Variants in MAP3K4 observed in about 807,000 individuals in gnomAD.
The protein encoded by MAP3K4 is MAP three kinase 1.
In MAP3K4, 67 loss-of-function variants were observed where a neutral mutation model predicts 185.6. That is an observed-to-expected ratio of 0.36 (90% CI 0.30 to 0.44). The LOEUF (loss-of-function observed/expected upper bound fraction) is 0.44. MAP3K4 is among the 20% of genes least tolerant of loss of function. The pLI is 1.00. For missense variants in MAP3K4, 1,551 were observed against 1,995.1 expected, an observed-to-expected ratio of 0.78 and a Z score of 4.24; for synonymous variants, 702 against 710.4, an observed-to-expected ratio of 0.99 and a Z score of 0.19.
In MAP3K4 at chr6:161,074,952, C is replaced by G. The variant is rs1013199677; in HGVS notation, c.2097+1340C>G. On this transcript the variant is annotated intron_variant, in intron 5 of 26. Transcript: ENST00000392142. The surrounding 1 kb of genome is among the most constrained non-coding windows in gnomAD (Gnocchi z 5.0). ...TGCCTTTTGTTGACCAGACCTGTTG[C>G]ATGGCCTCACTGTTGCCATGGAGGC... Among the ~76,000 whole-genome samples, 1 of 152,186 alleles carries G rather than the reference C, an allele frequency of 6.6e-6. No individual in the cohort carries two copies. The highest frequency in any genetic ancestry group is 6.5e-5 in the Admixed American group (1 of 15,280).
rs778086441 is a variant in MAP3K4, at chr6:161,077,550, G to A, written c.2098-3331G>A. Among the ~76,000 whole-genome samples the A allele has an allele frequency of 1.3e-5, 2 of 152,188 alleles. No homozygotes were observed. The highest frequency in any genetic ancestry group is 6.5e-5 in the Admixed American group (1 of 15,290). On this transcript the variant is annotated intron_variant, in intron 5 of 26. Coordinates refer to ENST00000392142, the MANE Select transcript of MAP3K4 (RefSeq NM_005922.4). This position sits in a 1 kb window ranked among gnomAD's most constrained non-coding sequence, Gnocchi z 4.3. ...GCCTGTGGGGGCTCCAGCTGCAGGT[G>A]GAGAGTAGGCTGGGGGTCCAGAGCA...
chr6:161,069,551 G>A (rs1245458492), intron 3 of MAP3K4, among the ~76,000 whole-genome samples: 1 of 152,122 alleles, frequency 6.6e-6, no homozygotes, highest in Non-Finnish European at 1.5e-5. Context: ...AGCTCAAGTT[G>A]TTTGGGCCAT....
chr6:161,099,007 G>GTT (rs1777712105), intron 17 of MAP3K4, among the ~76,000 whole-genome samples: 2 of 152,214 alleles, frequency 1.3e-5, no homozygotes, highest in Non-Finnish European at 2.9e-5. Flanking sequence ...ATTGTCTTTT[G>GTT]TGTAAGTAAG....
intron 2 of MAP3K4, among the ~76,000 whole-genome samples, chr6:161,047,846 A>AT: frequency 1.3e-5 from 2 of 152,358 alleles, no homozygotes; most frequent in South Asian, 4.1e-4. Context: ...GAATCAGATT[A>AT]TAGAACCTCT....
chr6:161,003,870 A>G (rs963844673), intron 1 of MAP3K4, among the ~76,000 whole-genome samples: 2 of 152,036 alleles, frequency 1.3e-5, no homozygotes, highest in African/African-American at 4.8e-5. Context: ...AAACATAAGG[A>G]TTCTATTTTC....
At chr6:161,013,318 A>T (rs1362009214) in intron 1 of MAP3K4, among the ~76,000 whole-genome samples, 1 of 152,048 alleles carries the variant, frequency 6.6e-6, no homozygotes, top group African/African-American at 2.4e-5. Flanking sequence ...TCTTGTTGGT[A>T]TTTTGCAGCT....
intron 15 of MAP3K4, among the ~76,000 whole-genome samples, chr6:161,094,309 A>G (rs1306692307): frequency 2.0e-5 from 3 of 152,202 alleles, no homozygotes; most frequent in Admixed American, 6.5e-5. Flanking sequence ...TCTTCCCACC[A>G]GCTGTAGTAA....
rs1468689994 is a variant in MAP3K4 at position 161,075,110 on chromosome 6, A to G, written c.2097+1498A>G. 6.6e-6 allele frequency among the ~76,000 whole-genome samples: 1 copy of G among 152,228 alleles called. No homozygotes were observed. Among genetic ancestry groups the G allele is most frequent in the African/African-American group, 2.4e-5 (1 of 41,456 alleles). On this transcript the variant is annotated intron_variant, in intron 5 of 26. Transcript: ENST00000392142. This position sits in a 1 kb window ranked among gnomAD's most constrained non-coding sequence, Gnocchi z 4.3. ...TAATGAGTTAGAAGTTATTCTCTAT[A>G]TAAAAGACCTGAGTGTGTAAAATGG...
chr6:161,085,831 G>A (rs1222999762), intron 7 of MAP3K4, among the ~76,000 whole-genome samples: 1 of 152,186 alleles, frequency 6.6e-6, no homozygotes, highest in Non-Finnish European at 1.5e-5. Flanking sequence ...GGGGCCATGG[G>A]CAGTGGTGTG....
chr6:161,008,678 T>A lies in MAP3K4; in HGVS notation c.152+16595T>A, dbSNP rs918986355. ...TTGTTCAAAAGCAAATACAGTGTTA[T>A]AAAGTTTACCTAAGTGAAGAAATAA... is the stretch of plus-strand genomic sequence containing the variant. On this transcript the variant is annotated intron_variant, in intron 1 of 26. Transcript: ENST00000392142. This position sits in a 1 kb window ranked among gnomAD's most constrained non-coding sequence, Gnocchi z 4.1. Among the ~76,000 whole-genome samples, 1 of 152,230 alleles carries A rather than the reference T, an allele frequency of 6.6e-6. No individual in the cohort carries two copies. The highest frequency in any genetic ancestry group is 2.4e-5 in the African/African-American group (1 of 41,462).
intron 1 of MAP3K4, among the ~76,000 whole-genome samples, chr6:160,993,417 T>TTTC (rs2115024637): frequency 6.6e-6 from 1 of 152,352 alleles, no homozygotes; most frequent in East Asian, 1.9e-4. Context: ...ATTGTCTTTA[T>TTTC]TTCTATTAAC....
In MAP3K4 at chr6:160,991,892, G is replaced by C. The variant is rs1166927952; in HGVS notation, c.-40G>C. ...CTCCGGTGCCCCGCGCCAGGCTGCA[G>C]CTTACTGCCCGCCGCGGCCATGCGG... On this transcript the variant is annotated 5_prime_UTR_variant, in exon 1 of 27. Transcript: ENST00000392142. The surrounding 1 kb of genome is among the most constrained non-coding windows in gnomAD (Gnocchi z 5.7). 2.0e-6 allele frequency: 3 copies of C among 1,483,370 alleles called. No homozygotes were observed. Among genetic ancestry groups the C allele is most frequent in the Non-Finnish European group, 2.7e-6 (3 of 1,125,916 alleles). 91.9% of individuals were successfully genotyped at this position (1,483,370 alleles called of 1,614,324 possible).
chr6:161,047,161 C>T (rs1452020177), intron 2 of MAP3K4, among the ~76,000 whole-genome samples: 3 of 136,876 alleles, frequency 2.2e-5, no homozygotes, highest in African/African-American at 9.4e-5. Context: ...AAAAAATGGG[C>T]CAGGCATAGT....
chr6:161,081,163 A>G (rs1439407403), intron 6 of MAP3K4, 125 bp downstream of exon 6: 1 of 1,024,912 alleles, frequency 9.8e-7, no homozygotes, highest in Non-Finnish European at 1.4e-6. Context: ...TCCATATCTC[A>G]TATGTGCACC....
intron 19 of MAP3K4, among the ~76,000 whole-genome samples, chr6:161,104,091 C>T (rs1777945246): frequency 1.3e-5 from 2 of 152,270 alleles, no homozygotes; most frequent in South Asian, 4.1e-4. Context: ...TTATGTTTCT[C>T]TTGTGAGAGT....
intron 1 of MAP3K4, among the ~76,000 whole-genome samples, chr6:161,009,655 G>A (rs1480491777): frequency 6.6e-6 from 1 of 151,770 alleles, no homozygotes; most frequent in Non-Finnish European, 1.5e-5. Flanking sequence ...GAACATTTTG[G>A]TTGCTTTTAT....
intron 1 of MAP3K4, among the ~76,000 whole-genome samples, chr6:161,003,531 C>T (rs1781430369): frequency 1.3e-5 from 2 of 152,126 alleles, no homozygotes; most frequent in South Asian, 2.1e-4. Context: ...TTAAACATTA[C>T]ATCAGAAGAC....
intron 1 of MAP3K4, among the ~76,000 whole-genome samples, chr6:161,012,028 A>T (rs1487398336): frequency 6.6e-6 from 1 of 152,074 alleles, no homozygotes; most frequent in East Asian, 1.9e-4. Flanking sequence ...CAATCTCCCC[A>T]CCCTCAGATT....
rs916624863 is a variant in MAP3K4, at chr6:161,017,979, CTT to C, written c.153-16279_153-16278del. ...CTCTTCTTACGCTATTTGGAATAGACTTGAGTATAGAGTGACTGTTTCAGATA... is the reference window on the plus strand; with the variant it reads ...CTCTTCTTACGCTATTTGGAATAGACGAGTATAGAGTGACTGTTTCAGATA... On this transcript the variant is annotated intron_variant, in intron 1 of 26. Coordinates refer to ENST00000392142, the MANE Select transcript of MAP3K4 (RefSeq NM_005922.4). The surrounding 1 kb of genome is among the most constrained non-coding windows in gnomAD (Gnocchi z 5.1). Among the ~76,000 whole-genome samples, 33 of 152,246 alleles carry C rather than the reference CTT, an allele frequency of 2.2e-4. 1 individual carries two copies. The highest frequency in any genetic ancestry group is 1.6e-3 in the Admixed American group (25 of 15,298).
Sources: gnomAD v4.1 joint callset for allele counts (sites outside exome capture counted in the v4.1 genomes callset) on GRCh38, gnomAD v4.1.1 for gene constraint, Gnocchi (gnomAD v3.1) non-coding constraint, MANE v1.5 for transcripts, NCBI Gene and HGNC (gene_info 2026-07-23, HGNC 2026-07-21) for gene names.